The following KHDRBS2 variants were observed in gnomAD, a reference collection of about 807,000 sequenced individuals.
KHDRBS2 encodes KH domain-containing, RNA-binding, signal transduction-associated protein 2.
KHDRBS2 carries 26 observed loss-of-function variants against 44.3 expected under a neutral mutation model. The observed-to-expected ratio is 0.59, with a 90% confidence interval of 0.43 to 0.81. KHDRBS2 has a LOEUF of 0.81. Ranked by LOEUF, KHDRBS2 falls within the 40% of genes least tolerant of loss-of-function variation. The pLI is 0.00. For synonymous variants in KHDRBS2, 194 were observed against 151.1 expected (o/e 1.28, Z -2.08); for missense variants, 476 against 433.1 (o/e 1.10, Z -0.88).
chr6:61,834,419 A>G (rs758035981), intron 6 of KHDRBS2, among the ~76,000 whole-genome samples: 3 of 152,140 alleles, frequency 2.0e-5, no homozygotes, highest in Non-Finnish European at 4.4e-5. Context: ...TTAGCATTGT[A>G]AAACTAATTA....
At chr6:62,059,096 G>T (rs1360874737) in intron 2 of KHDRBS2, among the ~76,000 whole-genome samples, 3 of 143,218 alleles carry the variant, frequency 2.1e-5, no homozygotes, top group Admixed American at 1.4e-4. Flanking sequence ...CAATTATATT[G>T]TAGTTTAAAC....
rs537443101 is a variant in KHDRBS2, at chr6:62,189,883, G to C, written c.92-12571C>G. The stretch of plus-strand genomic sequence containing the variant: ...GTAAGTTGTACTTTGGCTACACTTA[G>C]GTGAGACCTAATAAGAGATGTAGAA... On this transcript the variant is annotated intron_variant, in intron 1 of 8. Transcript: ENST00000281156. Among the ~76,000 whole-genome samples, 199 of 152,280 alleles carry C rather than the reference G, an allele frequency of 1.3e-3. 1 individual carries two copies. Among genetic ancestry groups the C allele is most frequent in the African/African-American group, 4.6e-3 (191 of 41,558 alleles).
At chr6:62,178,336 T>C (rs1234280353) in intron 1 of KHDRBS2, among the ~76,000 whole-genome samples, 2 of 151,568 alleles carry the variant, frequency 1.3e-5, no homozygotes, top group Admixed American at 6.6e-5. Flanking sequence ...GGCTGAAGAA[T>C]AGTGAATGTG....
intron 6 of KHDRBS2, among the ~76,000 whole-genome samples, chr6:61,878,873 TG>T (rs1384234728): frequency 6.6e-6 from 1 of 151,980 alleles, no homozygotes; most frequent in African/African-American, 2.4e-5. Flanking sequence ...AATAAAAATA[TG>T]GTTGCTGTAA....
chr6:62,133,822 A>C (rs892263919), intron 2 of KHDRBS2, among the ~76,000 whole-genome samples: 2 of 152,188 alleles, frequency 1.3e-5, no homozygotes, highest in African/African-American at 4.8e-5. Context: ...TTTAGCAAAG[A>C]GACTGGCAGC....
At chr6:61,598,481 T>C in the KHDRBS2 span, among the ~76,000 whole-genome samples, 1 of 152,174 alleles carries the variant, frequency 6.6e-6, no homozygotes, top group Non-Finnish European at 1.5e-5. Flanking sequence ...GACTGTCTAC[T>C]CACACATACT....
intron 2 of KHDRBS2, among the ~76,000 whole-genome samples, chr6:62,061,935 C>T (rs1277041247): frequency 1.3e-5 from 2 of 151,774 alleles, no homozygotes; most frequent in East Asian, 2.0e-4. Context: ...CATCTTCCAT[C>T]GCTGATACCC....
At chr6:61,748,850 A>G (rs939423188) in intron 6 of KHDRBS2, among the ~76,000 whole-genome samples, 15 of 152,094 alleles carry the variant, frequency 9.9e-5, no homozygotes, top group Non-Finnish European at 2.1e-4. Flanking sequence ...GCTAATGGAA[A>G]TTCTCTATGC....
intron 1 of KHDRBS2, among the ~76,000 whole-genome samples, chr6:62,209,262 CCCCTACCACT>C (rs1828597559): frequency 6.6e-6 from 1 of 152,132 alleles, no homozygotes; most frequent in Non-Finnish European, 1.5e-5. Context: ...ATATCTCTTT[CCCCTACCACT>C]CCTCTTTTGG....
At chr6:61,893,642 C>T (rs568336156) in intron 6 of KHDRBS2, among the ~76,000 whole-genome samples, 117 of 152,120 alleles carry the variant, frequency 7.7e-4, no homozygotes, top group Admixed American at 2.1e-3. Flanking sequence ...AGCAAACTAT[C>T]GCAAAGACAA....
chr6:61,697,714 C>A (rs1367276247), intron 7 of KHDRBS2, among the ~76,000 whole-genome samples: 1 of 152,060 alleles, frequency 6.6e-6, no homozygotes, highest in Non-Finnish European at 1.5e-5. Context: ...TCTGTGCACT[C>A]CCCAAATATA....
At position 62,118,913 on chromosome 6, in the gene KHDRBS2, C is replaced by T. The variant is rs141059814; in HGVS notation, c.219+58272G>A. Among the ~76,000 whole-genome samples the T allele has an allele frequency of 7.2e-3, 1,096 of 152,210 alleles. 9 individuals are homozygous for T. The highest frequency in any genetic ancestry group is 0.019 in the African/African-American group (806 of 41,538). ...AAGTTTTGGGACTCAGACTGGCTTC[C>T]GGCTTGCAGACAGATGACCTATTAG... On this transcript the variant is annotated intron_variant, in intron 2 of 8. Transcript: ENST00000281156.
At chr6:61,557,895 C>T in the KHDRBS2 span, among the ~76,000 whole-genome samples, 1 of 152,048 alleles carries the variant, frequency 6.6e-6, no homozygotes, top group Non-Finnish European at 1.5e-5. Context: ...GGAATTTTTC[C>T]ATTTCTTCTA....
At chr6:61,974,304 T>G (rs1254271717) in intron 4 of KHDRBS2, among the ~76,000 whole-genome samples, 1 of 152,070 alleles carries the variant, frequency 6.6e-6, no homozygotes, top group Non-Finnish European at 1.5e-5. Context: ...GACACAACTC[T>G]CACAACCATA....
chr6:61,908,083 CATAG>C (rs1316995949), intron 4 of KHDRBS2, among the ~76,000 whole-genome samples: 2 of 151,970 alleles, frequency 1.3e-5, no homozygotes, highest in African/African-American at 4.8e-5. Context: ...AACTTGCTAA[CATAG>C]ATATTCATTA....
At chr6:62,089,175 C>T (rs1412678989) in intron 2 of KHDRBS2, among the ~76,000 whole-genome samples, 4 of 151,368 alleles carry the variant, frequency 2.6e-5, no homozygotes, top group African/African-American at 9.7e-5. Flanking sequence ...GGTGGGATCC[C>T]CTGAGCTAGA....
intron 8 of KHDRBS2, among the ~76,000 whole-genome samples, chr6:61,691,753 T>A (rs1160205840): frequency 6.6e-6 from 1 of 152,098 alleles, no homozygotes; most frequent in East Asian, 1.9e-4. Context: ...TTTGCTGTTT[T>A]CACAGATTAA....
chr6:61,811,387 T>C (rs746516868), intron 6 of KHDRBS2, among the ~76,000 whole-genome samples: 2 of 152,152 alleles, frequency 1.3e-5, no homozygotes, highest in African/African-American at 4.8e-5. Context: ...GTCTTTGCTA[T>C]TGTGAATAGT....
intron 7 of KHDRBS2, among the ~76,000 whole-genome samples, chr6:61,728,361 G>A (rs1380351098): frequency 6.6e-6 from 1 of 151,776 alleles, no homozygotes; most frequent in African/African-American, 2.4e-5. Flanking sequence ...CTAGGTGATG[G>A]GATAATCTGT....
Sources: allele counts gnomAD v4.1 joint callset (sites outside exome capture counted in the v4.1 genomes callset), GRCh38; gene constraint gnomAD v4.1.1; transcripts MANE v1.5; gene names NCBI Gene and HGNC (gene_info 2026-07-23, HGNC 2026-07-21).